ASPM: variants seen among roughly 807,000 people sequenced by gnomAD.
ASPM encodes the protein assembly factor for spindle microtubules.
Under a neutral mutation model 366.4 loss-of-function variants are expected in ASPM, and 256 were observed. That is an observed-to-expected ratio of 0.70 (90% CI 0.63 to 0.77). The LOEUF (loss-of-function observed/expected upper bound fraction) is 0.77. Ranked by LOEUF, ASPM falls within the 30% of genes least tolerant of loss-of-function variation. The pLI, the probability that ASPM is intolerant of heterozygous loss-of-function variation, is 0.00. For missense variants in ASPM, 4,146 were observed against 4,090.4 expected (o/e 1.01, Z -0.37); for synonymous variants, 1,414 against 1,342.9 (o/e 1.05, Z -1.16).
chr1:197,117,563 T>A (rs1264155864), intron 17 of ASPM, among the ~76,000 whole-genome samples: 1 of 152,132 alleles, frequency 6.6e-6, no homozygotes, highest in South Asian at 2.1e-4. Flanking sequence ...GAGCAACAGG[T>A]ACAGAATTAG....
rs776752585 is a variant in ASPM at position 197,146,365 on chromosome 1, G to A, written c.73C>T (p.Arg25Trp). The A allele has an allele frequency of 1.9e-6, 3 of 1,607,982 alleles. No individual in the cohort carries two copies. The highest frequency in any genetic ancestry group is 1.7e-5 in the Admixed American group (1 of 59,774). Reference sequence around the variant, plus strand: ...GCCTCCTCCTCGGCCGCGGGGCCCCGCAGCCCCGCGGGCGGCCTCCGCTCG... The same window carrying A: ...GCCTCCTCCTCGGCCGCGGGGCCCCACAGCCCCGCGGGCGGCCTCCGCTCG... Reference protein sequence around the residue: ...PTERRPPAGLRGPAAEEEASS... With the variant: ...PTERRPPAGLWGPAAEEEASS... Residue 25 changes from arginine to tryptophan, a missense_variant, in exon 1 of 28, where the codon CGG becomes TGG. Transcript: ENST00000367409.
intron 17 of ASPM, 55 bp downstream of exon 17, chr1:197,117,734 C>T: frequency 6.8e-7 from 1 of 1,477,406 alleles, no homozygotes. Flanking sequence ...TGCCTTCTTA[C>T]TTAAAAAAGT....
intron 21 of ASPM, 41 bp from the exon 22 acceptor site, chr1:197,092,097 C>T: frequency 6.2e-7 from 1 of 1,603,074 alleles, no homozygotes; most frequent in Non-Finnish European, 8.5e-7. Flanking sequence ...TATCTGCCTC[C>T]TAAGTTAATC....
intron 10 of ASPM, 47 bp from the exon 11 acceptor site, chr1:197,125,238 T>C: frequency 6.3e-7 from 1 of 1,598,382 alleles, no homozygotes; most frequent in South Asian, 1.1e-5. Flanking sequence ...AAAACGTATA[T>C]GAAAAAACCC....
In ASPM at chr1:197,098,001, A is replaced by AAT. The variant is rs10581454; in HGVS notation, c.8821-1839_8821-1838dup. On this transcript the variant is annotated intron_variant, in intron 18 of 27. Transcript: ENST00000367409. ...ACGTGTGTGTATATATATATTTACA[A>AAT]ATATATATATATATACACACACACA... Among the ~76,000 whole-genome samples the AAT allele has an allele frequency of 4.1e-3, 605 of 147,834 alleles. 2 individuals carry two copies. The highest frequency in any genetic ancestry group is 0.012 in the African/African-American group (499 of 40,610).
chr1:197,133,708 C>A, intron 5 of ASPM, 113 bp from the exon 6 acceptor site: 1 of 1,293,570 alleles, frequency 7.7e-7, no homozygotes, highest in Non-Finnish European at 1.1e-6. Context: ...ATTCCTCACC[C>A]ACTCCAAGCT....
rs747871020 is a variant in ASPM at position 197,129,982 on chromosome 1, G to C, written c.2562C>G (p.Arg854=). 6.8e-6 allele frequency: 11 copies of C among 1,613,810 alleles called. No individual in the cohort carries two copies. Among genetic ancestry groups the C allele is most frequent in the Non-Finnish European group, 8.5e-7 (1 of 1,179,910 alleles). The change falls in exon 8 of 28, where the codon CGC becomes CGG. Residue 854 remains arginine (R), a synonymous_variant. Coordinates refer to ENST00000367409, the MANE Select transcript of ASPM (RefSeq NM_018136.5). ...VTGLAMFILN[R]LLWNPDIAAE... is the part of the protein sequence containing the mutation. ...CTGCTATATCAGGATTCCAAAGTAG[G>C]CGATTCAGAATAAACATAGCCAACC...
Position 197,129,943 on chromosome 1 carries a change from G to A in ASPM, c.2601C>T (p.His867=). ...WNPDIAAEYR[H]PTVPHLYRDG... is the part of the protein sequence containing the mutation. ...CTCTATACAGGTGAGGAACAGTGGG[G>A]TGTCTATACTCAGCTGCTATATCAG... Residue 867 remains histidine, a synonymous_variant, in exon 8 of 28, where the codon CAC becomes CAT. Transcript: ENST00000367409. 6.2e-7 allele frequency: 1 copy of A among 1,613,956 alleles called. No individual in the cohort carries two copies. Among genetic ancestry groups the A allele is most frequent in the Non-Finnish European group, 8.5e-7 (1 of 1,179,878 alleles).
At chr1:197,118,546 G>A (rs544624239) in intron 16 of ASPM, among the ~76,000 whole-genome samples, 6 of 152,150 alleles carry the variant, frequency 3.9e-5, no homozygotes, top group African/African-American at 1.4e-4. Context: ...TGGTCAAAGA[G>A]GACCCAGCTC....
Position 197,139,879 on chromosome 1 carries a change from A to G in ASPM, c.1922-8T>C. The G allele has an allele frequency of 2.6e-6, 4 of 1,550,576 alleles. No homozygotes were observed. Among genetic ancestry groups the G allele is most frequent in the Non-Finnish European group, 2.7e-6 (3 of 1,122,796 alleles). On this transcript the variant is annotated splice_region_variant and splice_polypyrimidine_tract_variant and intron_variant, in intron 3 of 27. Coordinates refer to ENST00000367409, the MANE Select transcript of ASPM (RefSeq NM_018136.5). ...TTCTGAATATTGATAAATCTAAAAT[A>G]AATTAGAAAACAAAACTAAGAGCAT...
chr1:197,129,047 G>C, intron 9 of ASPM, 140 bp downstream of exon 9: 3 of 889,356 alleles, frequency 3.4e-6, no homozygotes, highest in Non-Finnish European at 3.4e-6. Context: ...GGACTCACCA[G>C]ACAGGCATTC....
Position 197,101,591 on chromosome 1 carries a change from G to A in ASPM, c.7660C>T (p.His2554Tyr), listed in dbSNP as rs1657185633. ...CTTTGTATTACGATAGAAGCTTTGT[G>A]TTTTTCCCTTAAAAGTTGTCTTGCT... ...MKARQLLREK[H>Y]KASIVIQSTY... Residue 2554 changes from histidine to tyrosine, a missense_variant, in exon 18 of 28, where the codon CAC becomes TAC. Physicochemically the swap from His to Tyr is moderately conservative, Grantham distance 83. Around this residue, in one of 3 missense-constraint regions of ASPM, gnomAD observed 3,624 missense variants for 3,591.7 expected, o/e 1.01. Coordinates refer to ENST00000367409, the MANE Select transcript of ASPM (RefSeq NM_018136.5). 1 of 1,609,830 alleles carries A rather than the reference G, an allele frequency of 6.2e-7. No individual in the cohort carries two copies.
chr1:197,132,223 C>G, intron 7 of ASPM, 62 bp downstream of exon 7: 1 of 1,257,778 alleles, frequency 8.0e-7, no homozygotes, highest in Non-Finnish European at 1.1e-6. Flanking sequence ...TAAAATGAGT[C>G]TATTCTACAA....
chr1:197,119,405 A>G (rs1447124388), intron 16 of ASPM, among the ~76,000 whole-genome samples: 7 of 152,168 alleles, frequency 4.6e-5, no homozygotes, highest in Admixed American at 3.9e-4. Flanking sequence ...ATTTGAGACA[A>G]AAGTTGTAAG....
chr1:197,093,141 C>T lies in ASPM; in HGVS notation c.9205G>A (p.Gly3069Arg). 1 of 1,612,338 alleles carries T rather than the reference C, an allele frequency of 6.2e-7. No individual in the cohort carries two copies. Among genetic ancestry groups the T allele is most frequent in the Non-Finnish European group, 8.5e-7 (1 of 1,178,862 alleles). Residue 3069 changes from glycine to arginine, a missense_variant, in exon 21 of 28, where the codon GGA becomes AGA. Physicochemically the swap from Gly to Arg is moderately radical, Grantham distance 125. Coordinates refer to ENST00000367409, the MANE Select transcript of ASPM (RefSeq NM_018136.5). Reference protein sequence around the residue: ...IQKYIRAREAGKHERIKYIEF... With the variant: ...IQKYIRAREARKHERIKYIEF... ...ATATATTTTATCCTTTCATGCTTTC[C>T]AGCCTCCCTGGCTCGTATATATTTT...
rs200083138 is a variant in ASPM at position 197,086,957 on chromosome 1, A to C, written c.10177T>G (p.Ser3393Ala). ...CTGTAAATACGGTCAACAACTTTGG[A>C]CCTACTTCGTACATCCTACAAAATA... is the stretch of plus-strand genomic sequence containing the variant. ...TNRASDVRSR[S>A]KVVDRIYSLY... Residue 3393 changes from serine (S) to alanine (A), a missense_variant, in exon 27 of 28, where the codon TCC becomes GCC. Transcript: ENST00000367409. 3 of 1,609,154 alleles carry C rather than the reference A, an allele frequency of 1.9e-6. No homozygotes were observed. The African/African-American group carries it at 4.0e-5, about 21-fold the overall frequency.
At position 197,142,695 on chromosome 1, in the gene ASPM, T is replaced by C. The variant is rs1372107412; in HGVS notation, c.1557A>G (p.Arg519=). 6.2e-7 allele frequency: 1 copy of C among 1,614,020 alleles called. No homozygotes were observed. Among genetic ancestry groups the C allele is most frequent in the Non-Finnish European group, 8.5e-7 (1 of 1,179,882 alleles). Residue 519 remains arginine (R), a synonymous_variant, in exon 3 of 28, where the codon AGA becomes AGG. Coordinates refer to ENST00000367409, the MANE Select transcript of ASPM (RefSeq NM_018136.5). ...QTEINKPKAK[R]CLNSAVGEHE... Reference sequence around the variant, plus strand: ...GTTCACCCACTGCACTGTTGAGACATCTTTTTGCTTTTGGTTTATTAATCT... The same window carrying C: ...GTTCACCCACTGCACTGTTGAGACACCTTTTTGCTTTTGGTTTATTAATCT...
intron 16 of ASPM, among the ~76,000 whole-genome samples, chr1:197,119,937 T>C (rs1243432531): frequency 6.6e-6 from 1 of 152,120 alleles, no homozygotes; most frequent in South Asian, 2.1e-4. Flanking sequence ...CAAGTTAATA[T>C]GTTTAGTAGC....
Position 197,104,650 on chromosome 1 carries a change from T to C in ASPM, c.4601A>G (p.Tyr1534Cys), listed in dbSNP as rs1219456748. 8 of 1,613,010 alleles carry C rather than the reference T, an allele frequency of 5.0e-6. No individual in the cohort carries two copies. Among genetic ancestry groups the C allele is most frequent in the East Asian group, 2.2e-5 (1 of 44,840 alleles). The change falls in exon 18 of 28, where the codon TAT becomes TGT. Residue 1534 changes from tyrosine to cysteine, a missense_variant. Transcript: ENST00000367409. ...YLKGKIERTN[Y>C]LQKRAAAIQL... ...AATGGCTGCAGCTCGTTTCTGCAAA[T>C]AGTTGGTGCGCTCAATCTTTCCTTT...
Sources: gnomAD v4.1 joint callset for allele counts (sites outside exome capture counted in the v4.1 genomes callset) on GRCh38, gnomAD v4.1.1 for gene constraint, gnomAD v4.1.1 regional missense constraint, MANE v1.5 for transcripts, NCBI Gene and HGNC (gene_info 2026-07-23, HGNC 2026-07-21) for gene names.